PDZK1: variants seen among roughly 807,000 people sequenced by gnomAD.
PDZK1 encodes Na(+)/H(+) exchange regulatory cofactor NHE-RF3.
In PDZK1, 23 loss-of-function variants were observed where a neutral mutation model predicts 38.1. The observed-to-expected ratio is 0.60, with a 90% CI of 0.43 to 0.85. PDZK1 has a LOEUF of 0.85. PDZK1 is among the 40% of genes least tolerant of loss of function. The pLI, the probability that PDZK1 is intolerant of heterozygous loss-of-function variation, is 0.00. For synonymous variants in PDZK1, 98 were observed against 186.2 expected (o/e 0.53, Z 3.86); for missense variants, 297 against 504.3 (o/e 0.59, Z 3.94).
chr1:145,671,401 A>G lies in PDZK1; in HGVS notation c.*35T>C. Reference sequence around the variant, plus strand: ...TCCTATTAAATACCCAGAAACAGCTATCAAATAAACAGCCAAAGCTATTAC... The same window carrying G: ...TCCTATTAAATACCCAGAAACAGCTGTCAAATAAACAGCCAAAGCTATTAC... On this transcript the variant is annotated 3_prime_UTR_variant, in exon 9 of 9. Transcript: ENST00000417171. 1.2e-6 allele frequency: 2 copies of G among 1,605,240 alleles called. No individual in the cohort carries two copies. Among genetic ancestry groups the G allele is most frequent in the South Asian group, 2.2e-5 (2 of 90,360 alleles).
intron 1 of PDZK1, among the ~76,000 whole-genome samples, chr1:145,689,446 C>T (rs1283194515): frequency 2.0e-5 from 3 of 152,144 alleles, no homozygotes; most frequent in Non-Finnish European, 2.9e-5. Context: ...GGTCCTGAGC[C>T]ATAGGAGGAA....
chr1:145,673,231 A>G (rs1220851114), intron 7 of PDZK1, among the ~76,000 whole-genome samples: 3 of 152,206 alleles, frequency 2.0e-5, no homozygotes, highest in African/African-American at 7.2e-5. Flanking sequence ...GGTATTATAA[A>G]TAGTGGTTCA....
intron 1 of PDZK1, chr1:145,691,723 G>A (rs920065466): frequency 2.0e-5 from 3 of 152,090 alleles, no homozygotes; most frequent in Non-Finnish European, 2.9e-5. Context: ...TTGGGAGGAT[G>A]GCTTGAACCT....
intron 6 of PDZK1, chr1:145,674,329 T>TAAAC (rs1352605439): frequency 4.4e-6 from 4 of 907,308 alleles, no homozygotes; most frequent in Non-Finnish European, 5.3e-6. Context: ...CAGAGCTCCT[T>TAAAC]AAACACATTA....
chr1:145,678,220 A>G (rs587674411), intron 6 of PDZK1, among the ~76,000 whole-genome samples: 2 of 46,952 alleles, frequency 4.3e-5, no homozygotes, highest in East Asian at 5.3e-4. Context: ...CTGCAGTTAT[A>G]TTCACAAATT....
Position 145,673,094 on chromosome 1 carries a change from A to AGAT in PDZK1, c.1216-77_1216-75dup. ...TCAGACTAGCTCTCCTTAAGAGAATAGATGAGGAGCTCAAGAATTTATTTT... is the reference window on the plus strand; with the variant it reads ...TCAGACTAGCTCTCCTTAAGAGAATAGATGATGAGGAGCTCAAGAATTTATTTT... On this transcript the variant is annotated intron_variant, in intron 7 of 8. Coordinates refer to ENST00000417171, the MANE Select transcript of PDZK1 (RefSeq NM_001201325.2). 5.6e-6 allele frequency: 8 copies of AGAT among 1,419,236 alleles called. No homozygotes were observed. The South Asian group carries it at 9.3e-5, about 16-fold the overall frequency. 87.9% of individuals were successfully genotyped at this position (1,419,236 alleles called of 1,614,324 possible). A position where few individuals can be genotyped will look rare whatever the true frequency, so the allele number is the denominator to read the frequency against.
At position 145,693,646 on chromosome 1, in the gene PDZK1, C is replaced by T. The variant is rs1296648095; in HGVS notation, c.-2-5623G>A. On this transcript the variant is annotated intron_variant, in intron 1 of 8. Coordinates refer to ENST00000417171, the MANE Select transcript of PDZK1 (RefSeq NM_001201325.2). ...AAAATTAGCCGGGCGTGGTGGCGGG[C>T]GCCTGTGGTCCCAGCTACTCGGGAG... is the stretch of plus-strand genomic sequence containing the variant. Among the ~76,000 whole-genome samples the T allele has an allele frequency of 3.3e-5, 5 of 151,972 alleles. No individual in the cohort carries two copies. In the East Asian group the frequency reaches 5.8e-4, roughly 18 times the overall value.
chr1:145,689,549 G>A (rs1655070122), intron 1 of PDZK1, among the ~76,000 whole-genome samples: 1 of 152,168 alleles, frequency 6.6e-6, no homozygotes, highest in East Asian at 1.9e-4. Flanking sequence ...CCTGCTGGCT[G>A]AAAGCTTTTT....
chr1:145,690,694 C>CA (rs1371349140), intron 1 of PDZK1, among the ~76,000 whole-genome samples: 9 of 152,190 alleles, frequency 5.9e-5, no homozygotes, highest in Admixed American at 2.6e-4. Flanking sequence ...GTGTCAACCA[C>CA]AAACTCTTAA....
Position 145,681,479 on chromosome 1 carries a change from G to A in PDZK1, c.598-372C>T, listed in dbSNP as rs782540992. ...TTTTTTTTTTATTTTTAGTGGAGACGGTGTTTCACCTTGTTAGCCAGGATG... is the reference window on the plus strand; with the variant it reads ...TTTTTTTTTTATTTTTAGTGGAGACAGTGTTTCACCTTGTTAGCCAGGATG... On this transcript the variant is annotated intron_variant, in intron 4 of 8. Coordinates refer to ENST00000417171, the MANE Select transcript of PDZK1 (RefSeq NM_001201325.2). 1.4e-3 allele frequency among the ~76,000 whole-genome samples: 213 copies of A among 149,502 alleles called. 5 individuals carry two copies. Among genetic ancestry groups the A allele is most frequent in the Non-Finnish European group, 2.2e-3 (151 of 67,844 alleles).
chr1:145,689,116 CT>C (rs1261668021), intron 1 of PDZK1, among the ~76,000 whole-genome samples: 4 of 152,182 alleles, frequency 2.6e-5, no homozygotes, highest in African/African-American at 9.7e-5. Flanking sequence ...CTCCCAGACG[CT>C]TTGTCACCCA....
chr1:145,698,987 C>G (rs1655792433), intron 1 of PDZK1, among the ~76,000 whole-genome samples: 1 of 151,776 alleles, frequency 6.6e-6, no homozygotes, highest in Admixed American at 6.6e-5. Context: ...CCTGTAATCC[C>G]AGCACTTTTG....
chr1:145,676,596 C>T (rs1359166737), intron 6 of PDZK1, among the ~76,000 whole-genome samples: 17 of 148,410 alleles, frequency 1.1e-4, no homozygotes, highest in South Asian at 2.2e-4. Context: ...CATGGTGGTG[C>T]GCACCTGTAA....
intron 1 of PDZK1, among the ~76,000 whole-genome samples, chr1:145,693,302 C>T (rs1553703620): frequency 6.6e-6 from 1 of 152,190 alleles, no homozygotes; most frequent in African/African-American, 2.4e-5. Flanking sequence ...TGAAAACTCT[C>T]TATGGCACAT....
intron 7 of PDZK1, 87 bp from the exon 8 acceptor site, chr1:145,673,107 A>C: frequency 7.9e-7 from 1 of 1,258,336 alleles, no homozygotes; most frequent in Admixed American, 1.9e-5. Flanking sequence ...TGAGGAGCTC[A>C]AGAATTTATT....
intron 1 of PDZK1, among the ~76,000 whole-genome samples, chr1:145,696,914 A>C (rs1041852803): frequency 6.6e-5 from 10 of 152,190 alleles, no homozygotes; most frequent in African/African-American, 2.2e-4. Context: ...GCTGGACTAG[A>C]GTCGAGGTTT....
At chr1:145,695,528 T>C (rs1254181973) in intron 1 of PDZK1, among the ~76,000 whole-genome samples, 1 of 151,992 alleles carries the variant, frequency 6.6e-6, no homozygotes, top group Non-Finnish European at 1.5e-5. Context: ...CCCAATGTGG[T>C]TGAAGGACAG....
At chr1:145,693,710 C>T (rs1655426526) in intron 1 of PDZK1, among the ~76,000 whole-genome samples, 1 of 151,626 alleles carries the variant, frequency 6.6e-6, no homozygotes, top group Non-Finnish European at 1.5e-5. Flanking sequence ...GAAGGCGGAG[C>T]TTGCAGTGAG....
At chr1:145,690,771 GGAGA>G (rs1655181376) in intron 1 of PDZK1, among the ~76,000 whole-genome samples, 1 of 152,186 alleles carries the variant, frequency 6.6e-6, no homozygotes, top group South Asian at 2.1e-4. Flanking sequence ...CCCTGTGTTT[GGAGA>G]GAGGGGAAGA....
Sources: gnomAD v4.1 joint callset for allele counts (sites outside exome capture counted in the v4.1 genomes callset) on GRCh38, gnomAD v4.1.1 for gene constraint, MANE v1.5 for transcripts, NCBI Gene and HGNC (gene_info 2026-07-23, HGNC 2026-07-21) for gene names.